Variants in TOP6BL observed in about 807,000 individuals in gnomAD.
TOP6BL encodes the protein type 2 DNA topoisomerase 6 subunit B-like.
the TOP6BL span, among the ~76,000 whole-genome samples, chr11:66,823,439 G>T: frequency 6.6e-6 from 1 of 152,024 alleles, no homozygotes; most frequent in African/African-American, 2.4e-5. Flanking sequence ...AGAAATATTT[G>T]TTGGAATAGT....
the TOP6BL span, among the ~76,000 whole-genome samples, chr11:66,776,634 A>G: frequency 1.2e-3 from 184 of 151,984 alleles, 6 homozygotes; most frequent in South Asian, 0.037. Flanking sequence ...AGAAGAAAAA[A>G]AAGTCCATTA....
At chr11:66,839,095 T>G in the TOP6BL span, 4 of 456,016 alleles carry the variant, frequency 8.8e-6, no homozygotes, top group Non-Finnish European at 1.8e-5. Flanking sequence ...TGATTGCAAT[T>G]ATACTGAAGT....
the TOP6BL span, among the ~76,000 whole-genome samples, chr11:66,770,867 TTTTC>T: frequency 3.3e-5 from 5 of 152,114 alleles, no homozygotes; most frequent in Non-Finnish European, 5.9e-5. Context: ...ACTTTCTACT[TTTTC>T]TTTCTTATCA....
At chr11:66,774,061 AATTTAT>A in the TOP6BL span, among the ~76,000 whole-genome samples, 1 of 152,030 alleles carries the variant, frequency 6.6e-6, no homozygotes, top group African/African-American at 2.4e-5. Context: ...TAAAGTTTTA[AATTTAT>A]ATTTATTATT....
the TOP6BL span, among the ~76,000 whole-genome samples, chr11:66,841,950 T>C: frequency 6.6e-6 from 1 of 152,220 alleles, no homozygotes; most frequent in African/African-American, 2.4e-5. Context: ...TGGTGACTTA[T>C]GCCTGTAATA....
chr11:66,839,538 G>C, the TOP6BL span, among the ~76,000 whole-genome samples: 1 of 152,146 alleles, frequency 6.6e-6, no homozygotes. Context: ...CCTCTTTCTA[G>C]GGTCACAACC....
chr11:66,766,881 A>G, the TOP6BL span, among the ~76,000 whole-genome samples: 2 of 152,198 alleles, frequency 1.3e-5, no homozygotes, highest in Non-Finnish European at 2.9e-5. Context: ...GTTTCTTGAA[A>G]TGAACTTATT....
chr11:66,776,662 AG>A, the TOP6BL span, among the ~76,000 whole-genome samples: 1 of 152,088 alleles, frequency 6.6e-6, no homozygotes, highest in Non-Finnish European at 1.5e-5. Flanking sequence ...TATTTGCAAT[AG>A]TTTTTATACC....
chr11:66,838,525 C>A, the TOP6BL span: 1 of 1,297,456 alleles, frequency 7.7e-7, no homozygotes, highest in Non-Finnish European at 1.1e-6. Flanking sequence ...TCAAACTATT[C>A]CACTGTACCT....
At chr11:66,803,311 A>G in the TOP6BL span, among the ~76,000 whole-genome samples, 1 of 152,162 alleles carries the variant, frequency 6.6e-6, no homozygotes, top group Non-Finnish European at 1.5e-5. Context: ...GCTGGTCATG[A>G]TATCTCACAC....
At chr11:66,796,008 T>A in the TOP6BL span, 4 of 306,594 alleles carry the variant, frequency 1.3e-5, no homozygotes, top group Admixed American at 4.5e-5. Flanking sequence ...CTTTTAAATT[T>A]GTCCCCAAAG....
the TOP6BL span, chr11:66,839,123 C>T: frequency 8.8e-6 from 4 of 456,288 alleles, no homozygotes; most frequent in Non-Finnish European, 1.8e-5. Flanking sequence ...CCATACATGT[C>T]TCCTGCAGTG....
At chr11:66,812,909 A>G in the TOP6BL span, among the ~76,000 whole-genome samples, 21 of 152,290 alleles carry the variant, frequency 1.4e-4, no homozygotes, top group African/African-American at 5.1e-4. Flanking sequence ...TGCCCACCGC[A>G]GTGAAGAATT....
At chr11:66,796,148 A>G in the TOP6BL span, 28 of 635,546 alleles carry the variant, frequency 4.4e-5, no homozygotes, top group African/African-American at 4.8e-4. Context: ...CTCATTCCCA[A>G]AGATGTCTCC....
the TOP6BL span, among the ~76,000 whole-genome samples, chr11:66,782,646 T>C: frequency 6.6e-6 from 1 of 152,098 alleles, no homozygotes; most frequent in Non-Finnish European, 1.5e-5. Context: ...GAGTTTCCCT[T>C]CTCTCAAGGG....
the TOP6BL span, among the ~76,000 whole-genome samples, chr11:66,783,886 C>T: frequency 2.6e-5 from 4 of 152,102 alleles, no homozygotes; most frequent in South Asian, 4.1e-4. Flanking sequence ...AGTGCAGTGG[C>T]GTGATCATGG....
At chr11:66,811,814 C>T in the TOP6BL span, among the ~76,000 whole-genome samples, 3 of 152,118 alleles carry the variant, frequency 2.0e-5, no homozygotes, top group African/African-American at 7.2e-5. Context: ...GTGGCTCTCA[C>T]CTGTAGTCCC....
the TOP6BL span, among the ~76,000 whole-genome samples, chr11:66,773,320 C>T: frequency 6.6e-6 from 1 of 150,934 alleles, no homozygotes; most frequent in Non-Finnish European, 1.5e-5. Flanking sequence ...TCCTAAAGTG[C>T]TGGGATTATA....
At chr11:66,825,949 C>T in the TOP6BL span, among the ~76,000 whole-genome samples, 1 of 151,966 alleles carries the variant, frequency 6.6e-6, no homozygotes, top group Non-Finnish European at 1.5e-5. Context: ...TCACGCCATT[C>T]TCCTGCCTCA....
Sources: allele counts gnomAD v4.1 joint callset (sites outside exome capture counted in the v4.1 genomes callset), GRCh38; gene constraint gnomAD v4.1.1; transcripts MANE v1.5; gene names NCBI Gene and HGNC (gene_info 2026-07-23, HGNC 2026-07-21).